The following MYL3 variants were observed in gnomAD, a reference collection of about 807,000 sequenced individuals.
MYL3 encodes the protein myosin light chain 3.
In MYL3, 11 loss-of-function variants were observed where a neutral mutation model predicts 21.3. That is an observed-to-expected ratio of 0.52 (90% CI 0.32 to 0.85). The LOEUF is 0.85. Ranked by LOEUF, MYL3 falls within the 40% of genes least tolerant of loss-of-function variation. The pLI, the probability that MYL3 is intolerant of heterozygous loss-of-function variation, is 0.03. For synonymous variants in MYL3, 88 were observed against 91.6 expected (o/e 0.96, Z 0.22); for missense variants, 206 against 253.3 (o/e 0.81, Z 1.27).
rs1701962473 is a variant in MYL3, at chr3:46,859,050, T to G, written c.481+425A>C. On this transcript the variant is annotated intron_variant, in intron 4 of 6. Transcript: ENST00000292327. This position sits in a 1 kb window ranked among gnomAD's most constrained non-coding sequence, Gnocchi z 4.1. ...ATCACTTTGAAGAGGGACCCCCTGC[T>G]GCAGGCAGCCGATGGTAGGGGTATA... Among the ~76,000 whole-genome samples the G allele has an allele frequency of 6.6e-6, 1 of 152,156 alleles. No individual in the cohort carries two copies. Among genetic ancestry groups the G allele is most frequent in the Non-Finnish European group, 1.5e-5 (1 of 68,028 alleles).
In MYL3 at chr3:46,859,121, CG is replaced by C. The variant is rs1701963101; in HGVS notation, c.481+353del. On this transcript the variant is annotated intron_variant, in intron 4 of 6. Coordinates refer to ENST00000292327, the MANE Select transcript of MYL3 (RefSeq NM_000258.3). The surrounding 1 kb of genome is among the most constrained non-coding windows in gnomAD (Gnocchi z 4.1). ...CCACAGAGGTCAGGATCCCCCCAGG[CG>C]GCAGGCACTTGACCTGCTTGACCAC... Among the ~76,000 whole-genome samples, 1 of 152,116 alleles carries C rather than the reference CG, an allele frequency of 6.6e-6. No homozygotes were observed. Among genetic ancestry groups the C allele is most frequent in the Non-Finnish European group, 1.5e-5 (1 of 68,008 alleles).
In MYL3 at chr3:46,861,468, C is replaced by T. The variant is rs1330476453; in HGVS notation, c.130-481G>A. On this transcript the variant is annotated intron_variant, in intron 1 of 6. Coordinates refer to ENST00000292327, the MANE Select transcript of MYL3 (RefSeq NM_000258.3). The surrounding 1 kb of genome is among the most constrained non-coding windows in gnomAD (Gnocchi z 4.2). ...GCCGAGGGCTGGTGGCTGGAAGCATCGAGGGTGAGCACAAGTGTGCATGTT... is the reference window on the plus strand; with the variant it reads ...GCCGAGGGCTGGTGGCTGGAAGCATTGAGGGTGAGCACAAGTGTGCATGTT... 6.6e-6 allele frequency among the ~76,000 whole-genome samples: 1 copy of T among 152,130 alleles called. No homozygotes were observed. Among genetic ancestry groups the T allele is most frequent in the Non-Finnish European group, 1.5e-5 (1 of 68,016 alleles).
upstream of MYL3, among the ~76,000 whole-genome samples, chr3:46,864,059 G>A (rs1702023398): frequency 6.6e-6 from 1 of 151,876 alleles, no homozygotes; most frequent in African/African-American, 2.4e-5. The surrounding 1 kb of genome is among the most constrained non-coding windows in gnomAD (Gnocchi z 4.7). Flanking sequence ...GGGTGCCTCC[G>A]TGGTGGGGGG....
intron 1 of MYL3, among the ~76,000 whole-genome samples, chr3:46,877,310 C>G (rs530465496): frequency 6.6e-6 from 1 of 152,180 alleles, no homozygotes; most frequent in African/African-American, 2.4e-5. Context: ...ACCTCCAGCC[C>G]CCCTCTGATT....
intron 1 of MYL3, among the ~76,000 whole-genome samples, chr3:46,870,765 T>C (rs1479068684): frequency 6.6e-6 from 1 of 152,152 alleles, no homozygotes; most frequent in East Asian, 1.9e-4. Flanking sequence ...TATGGGCCCC[T>C]AGACACTCCC....
chr3:46,859,564 T>C lies in MYL3; in HGVS notation c.392A>G (p.Glu131Gly), dbSNP rs1372665221. 6.2e-7 allele frequency: 1 copy of C among 1,614,106 alleles called. No individual in the cohort carries two copies. Among genetic ancestry groups the C allele is most frequent in the African/African-American group, 1.3e-5 (1 of 74,944 alleles). The change falls in exon 4 of 7, where the codon GAG (glutamate) becomes GGG (glycine). Residue 131 changes from glutamate (E) to glycine (G), a missense_variant. Glu to Gly is a moderately conservative substitution (Grantham distance 98, BLOSUM62 -2). Coordinates refer to ENST00000292327, the MANE Select transcript of MYL3 (RefSeq NM_000258.3). This position sits in a 1 kb window ranked among gnomAD's most constrained non-coding sequence, Gnocchi z 4.1. ...GACCCGCAGCCCCTCCACGAAGTCCTCATAGGTGCCTGTGTCCTTGTTCTT... is the reference window on the plus strand; with the variant it reads ...GACCCGCAGCCCCTCCACGAAGTCCCCATAGGTGCCTGTGTCCTTGTTCTT... ...ISKNKDTGTY[E>G]DFVEGLRVFD...
chr3:46,872,845 G>A (rs984672742), intron 1 of MYL3, among the ~76,000 whole-genome samples: 8 of 152,222 alleles, frequency 5.3e-5, no homozygotes, highest in African/African-American at 1.4e-4. Flanking sequence ...AAAACGTTCC[G>A]ACAATGAGCG....
rs1180874887 is a variant in MYL3 at position 46,881,444 on chromosome 3, G to A, written c.-218+630C>T. Among the ~76,000 whole-genome samples, 7 of 152,312 alleles carry A rather than the reference G, an allele frequency of 4.6e-5. No homozygotes were observed. The South Asian group carries it at 1.0e-3, about 23-fold the overall frequency. ...CGGCCGATAGCTTTTGGGAGTGGGGGTGGGAACGGGGGAGGGAGGTGAAGC... is the reference window on the plus strand; with the variant it reads ...CGGCCGATAGCTTTTGGGAGTGGGGATGGGAACGGGGGAGGGAGGTGAAGC... On this transcript the variant is annotated intron_variant, in intron 1 of 3. Transcript: ENST00000431168.
upstream of MYL3, among the ~76,000 whole-genome samples, chr3:46,867,884 C>T (rs1406732104): frequency 1.4e-4 from 21 of 152,244 alleles, no homozygotes; most frequent in Admixed American, 1.3e-3. Flanking sequence ...TGTGAACCCA[C>T]CGCTACACAC....
In MYL3 at chr3:46,882,140, C is replaced by T. The variant is rs2030619724; in HGVS notation, c.-284G>A. ...ATGTCCCGGGGCGGGGGGCGGAAGG[C>T]TCCTCTCGGCCTCTCCACACTCCCG... On this transcript the variant is annotated 5_prime_UTR_variant, in exon 1 of 4. Coordinates refer to the MYL3 transcript ENST00000431168. The surrounding 1 kb of genome is among the most constrained non-coding windows in gnomAD (Gnocchi z 4.3). The T allele has an allele frequency of 6.6e-6, 1 of 151,042 alleles. No individual in the cohort carries two copies. Among genetic ancestry groups the T allele is most frequent in the African/African-American group, 2.4e-5 (1 of 41,102 alleles). The allele number at this position is 151,042 out of a possible 1,614,324, so 9.4% of individuals were successfully genotyped here. A position where few individuals can be genotyped will look rare whatever the true frequency, so the allele number is the denominator to read the frequency against.
At chr3:46,881,894 G>A (rs1213506364) in intron 1 of MYL3, among the ~76,000 whole-genome samples, 3 of 152,268 alleles carry the variant, frequency 2.0e-5, no homozygotes, top group Admixed American at 2.0e-4. Flanking sequence ...CGCCCATGAT[G>A]AAAGAGGGCT....
intron 1 of MYL3, among the ~76,000 whole-genome samples, chr3:46,869,767 A>T (rs1702089255): frequency 6.6e-6 from 1 of 152,228 alleles, no homozygotes; most frequent in Admixed American, 6.5e-5. Context: ...GGGAAGGGGC[A>T]TGTGGACACA....
chr3:46,865,590 T>A (rs1339869288), upstream of MYL3, among the ~76,000 whole-genome samples: 2 of 152,276 alleles, frequency 1.3e-5, no homozygotes, highest in East Asian at 3.9e-4. This position sits in a 1 kb window ranked among gnomAD's most constrained non-coding sequence, Gnocchi z 4.3. Context: ...TCCCATCTCA[T>A]TTCTTTCATC....
At chr3:46,864,834 G>A (rs555232127), upstream of MYL3, among the ~76,000 whole-genome samples, 5 of 152,338 alleles carry the variant, frequency 3.3e-5, no homozygotes, top group South Asian at 6.2e-4. This position sits in a 1 kb window ranked among gnomAD's most constrained non-coding sequence, Gnocchi z 4.7. Flanking sequence ...ACAGCCTGAC[G>A]GGACTGCCAC....
In MYL3 at chr3:46,860,694, C is replaced by A; in HGVS notation, c.289G>T (p.Gly97Trp). The part of the protein sequence containing the change: ...PTQAEVLRVL[G>W]KPRQEELNTK... ...GCACTACCTTCCTGTCTTGGCTTCC[C>A]CAGGACACGGAGCACTTCTGCCTGT... Residue 97 changes from glycine (G) to tryptophan (W), a missense_variant, in exon 3 of 7, where the codon GGG (glycine) becomes TGG (tryptophan). Physicochemically the swap from Gly to Trp is radical, Grantham distance 184. Coordinates refer to ENST00000292327, the MANE Select transcript of MYL3 (RefSeq NM_000258.3). This position sits in a 1 kb window ranked among gnomAD's most constrained non-coding sequence, Gnocchi z 4.6. 1 of 1,614,028 alleles carries A rather than the reference C, an allele frequency of 6.2e-7. No individual in the cohort carries two copies. Among genetic ancestry groups the A allele is most frequent in the Non-Finnish European group, 8.5e-7 (1 of 1,180,006 alleles).
rs1265072896 is a variant in MYL3 at position 46,874,374 on chromosome 3, C to CG, written c.-218+7699dup. 2.6e-5 allele frequency among the ~76,000 whole-genome samples: 4 copies of CG among 152,232 alleles called. No homozygotes were observed. In the East Asian group the frequency reaches 7.7e-4, roughly 29 times the overall value. On this transcript the variant is annotated intron_variant, in intron 1 of 3. Transcript: ENST00000431168. The surrounding 1 kb of genome is among the most constrained non-coding windows in gnomAD (Gnocchi z 4.1). ...TGAGGCCCAGAGATTTGGCAAGGCA[C>CG]GACAAAGGACCACCCACATAGAGGG...
At chr3:46,863,593 C>T, upstream of MYL3, 1 of 576,484 alleles carries the variant, frequency 1.7e-6, no homozygotes, top group South Asian at 2.0e-5. Context: ...ATTGTTCAGG[C>T]TCAGGAATGG....
chr3:46,862,219 C>A (rs540953466), intron 1 of MYL3, among the ~76,000 whole-genome samples: 18 of 152,184 alleles, frequency 1.2e-4, no homozygotes, highest in Non-Finnish European at 2.6e-4. Flanking sequence ...ATGAGGCCTG[C>A]AGAATGCAAG....
chr3:46,871,936 G>T lies in MYL3; in HGVS notation c.-217-5336C>A, dbSNP rs574082637. On this transcript the variant is annotated intron_variant, in intron 1 of 3. Transcript: ENST00000431168. ...CCCATCCAAAGCTGATGAGGGTACA[G>T]GTCCTGGGATTGGGGTTGGGTTGGC... Among the ~76,000 whole-genome samples the T allele has an allele frequency of 7.2e-5, 11 of 152,366 alleles. No homozygotes were observed. In the East Asian group the frequency reaches 2.1e-3, roughly 29 times the overall value.
Sources: gnomAD v4.1 joint callset for allele counts (sites outside exome capture counted in the v4.1 genomes callset) on GRCh38, gnomAD v4.1.1 for gene constraint, Gnocchi (gnomAD v3.1) non-coding constraint, MANE v1.5 for transcripts, NCBI Gene and HGNC (gene_info 2026-07-23, HGNC 2026-07-21) for gene names.